NCOR2: variants seen among roughly 807,000 people sequenced by gnomAD.
NCOR2 encodes the protein nuclear receptor corepressor 2.
A neutral mutation model predicts 262.9 loss-of-function variants in NCOR2; 81 were observed. That is an observed-to-expected ratio of 0.31 (90% CI 0.26 to 0.37). The LOEUF (loss-of-function observed/expected upper bound fraction) is 0.37. Among genes scored for constraint, NCOR2 ranks in the 10% least tolerant of loss-of-function variants. NCOR2 has a pLI of 1.00. For missense variants in NCOR2, 3,385 were observed against 3,621.4 expected (o/e 0.93, Z 1.68); for synonymous variants, 1,659 against 1,559.3 (o/e 1.06, Z -1.51).
At chr12:124,556,925 C>T (rs1028310855) in intron 1 of NCOR2, among the ~76,000 whole-genome samples, 4 of 151,916 alleles carry the variant, frequency 2.6e-5, no homozygotes, top group Non-Finnish European at 4.4e-5. Flanking sequence ...AAGAGTGCTC[C>T]GGCAGGGTGA....
rs1566353577 is a variant in NCOR2, at chr12:124,333,891, T to TGTGCGCGCGCATGTGTGTGG, written c.6605+532_6605+533insCCACACACATGCGCGCGCAC. Among the ~76,000 whole-genome samples, 249 of 143,836 alleles carry TGTGCGCGCGCATGTGTGTGG rather than the reference T, an allele frequency of 1.7e-3. 30 individuals carry two copies. The highest frequency in any genetic ancestry group is 9.7e-3 in the Admixed American group (142 of 14,604). 94.4% of individuals were successfully genotyped at this position (143,836 alleles called of 152,430 possible). On this transcript the variant is annotated intron_variant, in intron 41 of 46. Coordinates refer to ENST00000405201, the Ensembl canonical transcript of NCOR2. ...GCGCATGTGTGCGGGTGTGCATGTG[T>TGTGCGCGCGCATGTGTGTGG]GTGTGCGCGCGCATGTGTGCGGGTG...
At position 124,389,595 on chromosome 12, in the gene NCOR2, T is replaced by C. The variant is rs906368485; in HGVS notation, c.1877-3708A>G. Reference sequence around the variant, plus strand: ...CCCCACCCTCCGTGTCAGTTCCACCTGAGCTCTGCCCCCTGCCTGGCCTGA... The same window carrying C: ...CCCCACCCTCCGTGTCAGTTCCACCCGAGCTCTGCCCCCTGCCTGGCCTGA... On this transcript the variant is annotated intron_variant, in intron 16 of 46. Coordinates refer to ENST00000405201, the Ensembl canonical transcript of NCOR2. This position sits in a 1 kb window ranked among gnomAD's most constrained non-coding sequence, Gnocchi z 4.4. Among the ~76,000 whole-genome samples, 9 of 146,364 alleles carry C rather than the reference T, an allele frequency of 6.1e-5. No individual in the cohort carries two copies. Among genetic ancestry groups the C allele is most frequent in the Admixed American group, 2.0e-4 (3 of 14,662 alleles).
chr12:124,335,164 G>A (rs369703653), exon 40 of NCOR2: 4 of 1,611,890 alleles, frequency 2.5e-6, no homozygotes, highest in South Asian at 1.1e-5. Context: ...GTGACCACCC[G>A]CTGGTGACCT....
intron 11 of NCOR2, among the ~76,000 whole-genome samples, chr12:124,425,104 G>A (rs1243859759): frequency 1.3e-5 from 2 of 152,232 alleles, no homozygotes; most frequent in African/African-American, 4.8e-5. Context: ...GCCAGGCGTG[G>A]TGGCTCACGC....
chr12:124,402,582 G>C, intron 13 of NCOR2, 21 bp from the exon 16 acceptor site: 1 of 1,550,938 alleles, frequency 6.4e-7, no homozygotes. Flanking sequence ...CCGGGGGAGG[G>C]CAGAGGGGAG....
chr12:124,559,654 T>G (rs1447690268), intron 1 of NCOR2, among the ~76,000 whole-genome samples: 1 of 151,856 alleles, frequency 6.6e-6, no homozygotes, highest in Admixed American at 6.6e-5. Context: ...CTCAGGAATG[T>G]GTAAGGTAAG....
intron 22 of NCOR2, among the ~76,000 whole-genome samples, chr12:124,358,147 A>ATG (rs34752398): frequency 7.8e-6 from 1 of 128,510 alleles, no homozygotes; most frequent in Admixed American, 8.0e-5. Context: ...GTGTGCATGG[A>ATG]TGTGTGTGTG....
intron 3 of NCOR2, among the ~76,000 whole-genome samples, chr12:124,475,856 C>T (rs1029250256): frequency 1.3e-5 from 2 of 152,214 alleles, no homozygotes; most frequent in African/African-American, 4.8e-5. Flanking sequence ...CCCCACAGAA[C>T]CGTGGGGCTG....
chr12:124,475,355 C>T (rs1169043111), intron 3 of NCOR2, among the ~76,000 whole-genome samples: 2 of 151,752 alleles, frequency 1.3e-5, no homozygotes, highest in Admixed American at 1.3e-4. Flanking sequence ...CCTCTGCACA[C>T]CCCATGAAGT....
intron 44 of NCOR2, among the ~76,000 whole-genome samples, 175 bp downstream of exon 46, chr12:124,330,670 G>A (rs1047253965): frequency 1.3e-5 from 2 of 152,378 alleles, no homozygotes; most frequent in South Asian, 4.1e-4. Context: ...CAGGGAACAA[G>A]CCTCGCCTGC....
intron 7 of NCOR2, among the ~76,000 whole-genome samples, chr12:124,439,738 A>G (rs915608985): frequency 7.0e-6 from 1 of 143,570 alleles, no homozygotes; most frequent in Non-Finnish European, 1.6e-5. Context: ...AGAGAGGATC[A>G]GAGAGAGAGA....
chr12:124,522,155 C>A (rs149612165), intron 1 of NCOR2, among the ~76,000 whole-genome samples: 4 of 152,182 alleles, frequency 2.6e-5, no homozygotes, highest in African/African-American at 9.7e-5. Context: ...ATCAGACATT[C>A]GAGAAGCATC....
In NCOR2 at chr12:124,443,189, C is replaced by G. The variant is rs983744803; in HGVS notation, c.816-5193G>C. 6.6e-6 allele frequency among the ~76,000 whole-genome samples: 1 copy of G among 152,214 alleles called. No individual in the cohort carries two copies. The highest frequency in any genetic ancestry group is 1.5e-5 in the Non-Finnish European group (1 of 68,050). On this transcript the variant is annotated intron_variant, in intron 7 of 46. Transcript: ENST00000405201. The surrounding 1 kb of genome is among the most constrained non-coding windows in gnomAD (Gnocchi z 4.4). ...GTCCGGCGTGTGATCTTCCACAAAC[C>G]GCGGTGCTGTCACTGCAGCTGGAAA...
chr12:124,402,107 C>T (rs747103649), intron 14 of NCOR2, among the ~76,000 whole-genome samples: 2 of 152,156 alleles, frequency 1.3e-5, no homozygotes, highest in Non-Finnish European at 2.9e-5. Context: ...AAAGTCATTG[C>T]CTGGATTTAT....
chr12:124,347,884 T>G, exon 30 of NCOR2: 2 of 1,566,044 alleles, frequency 1.3e-6, no homozygotes, highest in Non-Finnish European at 1.7e-6. Flanking sequence ...GCTGTGTCGC[T>G]CCGGCGGGAT....
At chr12:124,522,454 G>C (rs1395379038) in intron 1 of NCOR2, among the ~76,000 whole-genome samples, 1 of 152,154 alleles carries the variant, frequency 6.6e-6, no homozygotes, top group Non-Finnish European at 1.5e-5. Flanking sequence ...CCAGTTCCCA[G>C]TGGCTCCTGG....
intron 22 of NCOR2, among the ~76,000 whole-genome samples, chr12:124,358,426 CTGTG>C (rs1223175634): frequency 4.6e-5 from 7 of 151,544 alleles, no homozygotes; most frequent in Non-Finnish European, 8.8e-5. Flanking sequence ...GTGTGTGCGC[CTGTG>C]TGTGTGTGTT....
intron 11 of NCOR2, 128 bp from the exon 14 acceptor site, chr12:124,422,683 A>C: frequency 1.0e-6 from 1 of 992,862 alleles, no homozygotes; most frequent in Non-Finnish European, 1.5e-6. Flanking sequence ...ACTTGGAGCA[A>C]TTAAGCCCAG....
intron 22 of NCOR2, among the ~76,000 whole-genome samples, chr12:124,360,771 A>C (rs1337902893): frequency 3.3e-5 from 5 of 151,946 alleles, no homozygotes; most frequent in Middle Eastern, 3.4e-3. Context: ...GCCCACCCAG[A>C]GAGCTCCCAC....
Sources: allele counts gnomAD v4.1 joint callset (sites outside exome capture counted in the v4.1 genomes callset), GRCh38; gene constraint gnomAD v4.1.1; non-coding constraint Gnocchi (gnomAD v3.1); transcripts MANE v1.5; gene names NCBI Gene and HGNC (gene_info 2026-07-23, HGNC 2026-07-21).